KIF16B: variants seen among roughly 807,000 people sequenced by gnomAD.
KIF16B encodes the protein kinesin-like protein KIF16B.
Under a neutral mutation model 156.3 loss-of-function variants are expected in KIF16B, and 98 were observed. That is an observed-to-expected ratio of 0.63 (90% CI 0.53 to 0.74). The LOEUF (loss-of-function observed/expected upper bound fraction) is 0.74, where lower values mean the gene tolerates loss of function less well. KIF16B is among the 30% of genes least tolerant of loss of function. The pLI is 0.00. For synonymous variants in KIF16B, 564 were observed against 583.7 expected, an observed-to-expected ratio of 0.97 and a Z score of 0.49; for missense variants, 1,421 against 1,606.5, an observed-to-expected ratio of 0.88 and a Z score of 1.97.
chr20:16,495,663 C>T (rs1007352655), intron 11 of KIF16B, among the ~76,000 whole-genome samples: 22 of 152,070 alleles, frequency 1.4e-4, no homozygotes, highest in African/African-American at 5.1e-4. Flanking sequence ...TAACTCTGTG[C>T]TTTGCTTGTT....
rs756133174 is a variant in KIF16B, at chr20:16,511,425, A to T, written c.549T>A (p.Tyr183Ter). ...RVREHPKEGP[Y>*]VEDLSKHLVQ... ...TGAAATATCTACTCTTACCCTCAACATAAGGGCCTTCTTTGGGATGCTCAC... is the reference window on the plus strand; with the variant it reads ...TGAAATATCTACTCTTACCCTCAACTTAAGGGCCTTCTTTGGGATGCTCAC... The change falls in exon 6 of 26, where the codon TAT (tyrosine) becomes TAA (stop). Residue 183 changes from tyrosine (Y) to a stop codon, truncating the protein, a stop_gained. Transcript: ENST00000354981. LOFTEE classifies it high-confidence loss of function. The T allele has an allele frequency of 4.4e-6, 7 of 1,582,228 alleles. No individual in the cohort carries two copies. The South Asian group carries it at 8.0e-5, about 18-fold the overall frequency.
At chr20:16,518,591 T>C (rs987365038) in intron 3 of KIF16B, among the ~76,000 whole-genome samples, 1 of 152,208 alleles carries the variant, frequency 6.6e-6, no homozygotes, top group African/African-American at 2.4e-5. Context: ...TTGTGTGAGA[T>C]CAAAGCCTCC....
At position 16,439,115 on chromosome 20, in the gene KIF16B, A is replaced by C. The variant is rs913858670; in HGVS notation, c.1303-9133T>G. Among the ~76,000 whole-genome samples, 4 of 152,166 alleles carry C rather than the reference A, an allele frequency of 2.6e-5. No individual in the cohort carries two copies. The East Asian group carries it at 5.8e-4, about 22-fold the overall frequency. ...CTTGGGAAAAAGAATCAAGTGGGTC[A>C]GCCTAGAAATCACCTTTGAATCCTC... On this transcript the variant is annotated intron_variant, in intron 12 of 25. Transcript: ENST00000354981.
At chr20:16,275,900 C>G (rs901716506) in intron 25 of KIF16B, among the ~76,000 whole-genome samples, 13 of 152,182 alleles carry the variant, frequency 8.5e-5, no homozygotes, top group Non-Finnish European at 1.9e-4. Context: ...CCAATGCTCG[C>G]GGTGCAATGC....
At chr20:16,284,395 C>T (rs890701477) in intron 25 of KIF16B, among the ~76,000 whole-genome samples, 1 of 152,216 alleles carries the variant, frequency 6.6e-6, no homozygotes, top group African/African-American at 2.4e-5. Context: ...TAAGCCTCAA[C>T]CTTTTACTTT....
intron 24 of KIF16B, among the ~76,000 whole-genome samples, chr20:16,324,625 T>A (rs1451832396): frequency 1.3e-5 from 2 of 152,064 alleles, no homozygotes; most frequent in Non-Finnish European, 2.9e-5. Context: ...CTGTCATTAA[T>A]TTTGACAAGA....
chr20:16,468,575 CAAAAAAAAAAAAAA>C (rs550510241), intron 12 of KIF16B, among the ~76,000 whole-genome samples: 5 of 35,838 alleles, frequency 1.4e-4, no homozygotes, highest in African/African-American at 2.1e-4. Flanking sequence ...GACTCCGTCT[CAAAAAAAAAAAAAA>C]AAAAAAAAAA....
intron 24 of KIF16B, among the ~76,000 whole-genome samples, chr20:16,318,091 C>T (rs1286527256): frequency 6.6e-6 from 1 of 152,004 alleles, no homozygotes; most frequent in African/African-American, 2.4e-5. Flanking sequence ...TAGCTGCCCT[C>T]CTCCTCCCCA....
chr20:16,541,002 C>G (rs746375148), intron 1 of KIF16B, among the ~76,000 whole-genome samples: 79 of 152,286 alleles, frequency 5.2e-4, no homozygotes, highest in Admixed American at 3.9e-3. Context: ...TTCAGTAACA[C>G]CTGCACCCTC....
chr20:16,345,594 A>G (rs2064218401), intron 23 of KIF16B, among the ~76,000 whole-genome samples: 1 of 152,226 alleles, frequency 6.6e-6, no homozygotes. Context: ...GAGAACATTG[A>G]TTTAGAAAAC....
chr20:16,484,443 T>C (rs1444685256), intron 12 of KIF16B, among the ~76,000 whole-genome samples: 1 of 152,200 alleles, frequency 6.6e-6, no homozygotes, highest in Admixed American at 6.5e-5. Flanking sequence ...TTGCCTTTCA[T>C]CTTAAAATAC....
intron 12 of KIF16B, among the ~76,000 whole-genome samples, chr20:16,463,610 C>T (rs988630115): frequency 1.3e-5 from 2 of 152,070 alleles, no homozygotes; most frequent in African/African-American, 4.8e-5. Flanking sequence ...AATGCCTTCC[C>T]AACCTTTCCA....
intron 25 of KIF16B, among the ~76,000 whole-genome samples, chr20:16,295,710 T>C (rs964454805): frequency 1.3e-5 from 2 of 152,178 alleles, no homozygotes; most frequent in Non-Finnish European, 2.9e-5. Flanking sequence ...GAAGGGACTA[T>C]GAACCTTACT....
chr20:16,290,406 G>A (rs6080208), intron 25 of KIF16B, among the ~76,000 whole-genome samples: 41,414 of 152,048 alleles, frequency 0.27, 5,701 homozygotes, highest in East Asian at 0.37. Flanking sequence ...TGTCACCTAA[G>A]GTAGTTTGTG....
At chr20:16,358,877 C>T (rs2064496012) in intron 22 of KIF16B, among the ~76,000 whole-genome samples, 1 of 152,220 alleles carries the variant, frequency 6.6e-6, no homozygotes, top group Admixed American at 6.5e-5. Flanking sequence ...TTAGGCACCC[C>T]TAAGATATAT....
At chr20:16,485,464 T>A (rs921508942) in intron 12 of KIF16B, among the ~76,000 whole-genome samples, 8 of 152,214 alleles carry the variant, frequency 5.3e-5, no homozygotes, top group African/African-American at 1.9e-4. Flanking sequence ...GACACTAGAA[T>A]TTTTAAGAGA....
intron 1 of KIF16B, among the ~76,000 whole-genome samples, chr20:16,546,557 C>T (rs2070413057): frequency 6.6e-6 from 1 of 152,084 alleles, no homozygotes. Context: ...TGACCCTTTC[C>T]CAAAATAGGT....
At chr20:16,517,510 A>G (rs1448217631) in intron 3 of KIF16B, among the ~76,000 whole-genome samples, 3 of 152,210 alleles carry the variant, frequency 2.0e-5, no homozygotes, top group African/African-American at 7.2e-5. Context: ...CTGAATGGGG[A>G]GAAGTCAGGT....
chr20:16,384,615 T>C (rs1247926629), intron 17 of KIF16B, among the ~76,000 whole-genome samples: 2 of 152,024 alleles, frequency 1.3e-5, no homozygotes, highest in African/African-American at 4.8e-5. Flanking sequence ...CACATACTCT[T>C]GGTGTTTTGT....
Sources: gnomAD v4.1 joint callset for allele counts (sites outside exome capture counted in the v4.1 genomes callset) on GRCh38, gnomAD v4.1.1 for gene constraint, MANE v1.5 for transcripts, NCBI Gene and HGNC (gene_info 2026-07-23, HGNC 2026-07-21) for gene names.